Variants in ZFYVE26 observed in about 807,000 individuals in gnomAD.
The protein encoded by ZFYVE26 is zinc finger FYVE-type containing 26.
ZFYVE26 carries 181 observed loss-of-function variants against 276.5 expected under a neutral mutation model. That is an observed-to-expected ratio of 0.65 (90% CI 0.58 to 0.74). ZFYVE26 has a LOEUF of 0.74. ZFYVE26 is among the 30% of genes least tolerant of loss of function. The probability of loss-of-function intolerance (pLI) is 0.00; values close to 1 mark genes in which losing one functional copy is unlikely to be tolerated. For synonymous variants in ZFYVE26, 1,129 were observed against 1,203.1 expected (o/e 0.94, Z 1.27); for missense variants, 2,821 against 3,097.9 (o/e 0.91, Z 2.12).
chr14:67,757,680 TTC>T lies in ZFYVE26; in HGVS notation c.6589-1537_6589-1536del, dbSNP rs945543253. Among the ~76,000 whole-genome samples the T allele has an allele frequency of 4.1e-5, 6 of 144,884 alleles. No individual in the cohort carries two copies. In the South Asian group the frequency reaches 6.4e-4, roughly 15 times the overall value. ...TTTCTTTCTTTCTTTCTTTCTTTCT[TTC>T]TCTCTCTCTTTCCTTTCTTTCTCTC... On this transcript the variant is annotated intron_variant, in intron 35 of 41. Coordinates refer to ENST00000347230, the MANE Select transcript of ZFYVE26 (RefSeq NM_015346.4).
intron 29 of ZFYVE26, 94 bp from the exon 30 acceptor site, chr14:67,768,642 G>T: frequency 8.2e-7 from 1 of 1,221,142 alleles, no homozygotes; most frequent in Non-Finnish European, 1.2e-6. Flanking sequence ...GTGTCTCCCT[G>T]GTACAATGGA....
intron 3 of ZFYVE26, among the ~76,000 whole-genome samples, chr14:67,811,915 TATATGAAATATATATCAC>T (rs1184559816): frequency 6.8e-6 from 1 of 148,100 alleles, no homozygotes; most frequent in Non-Finnish European, 1.5e-5. Flanking sequence ...ACATGTATTA[TATATGAAATATATATCAC>T]ATATGAAATA....
intron 10 of ZFYVE26, 46 bp from the exon 11 acceptor site, chr14:67,798,668 G>A (rs750723782): frequency 2.5e-6 from 4 of 1,592,358 alleles, no homozygotes; most frequent in East Asian, 4.5e-5. Context: ...AGAGAAGACA[G>A]AGAATGCAAA....
chr14:67,791,329 T>C (rs928435170), intron 14 of ZFYVE26, among the ~76,000 whole-genome samples: 4 of 152,188 alleles, frequency 2.6e-5, no homozygotes, highest in African/African-American at 9.7e-5. Flanking sequence ...TTAAAAATAA[T>C]CTAAATCTTG....
intron 31 of ZFYVE26, among the ~76,000 whole-genome samples, chr14:67,766,860 C>T (rs571179046): frequency 4.2e-4 from 64 of 152,014 alleles, no homozygotes; most frequent in Non-Finnish European, 4.0e-4. Context: ...CCACCATGCC[C>T]GGCTAATTTT....
chr14:67,781,299 C>T (rs1275645976), intron 22 of ZFYVE26, 34 bp downstream of exon 22: 2 of 1,611,150 alleles, frequency 1.2e-6, no homozygotes, highest in Non-Finnish European at 1.7e-6. Context: ...GAGTGAGAAG[C>T]CCGTTCCCTT....
Position 67,756,096 on chromosome 14 carries a change from T to C in ZFYVE26, c.6638A>G (p.Lys2213Arg). 1.9e-6 allele frequency: 3 copies of C among 1,614,206 alleles called. No homozygotes were observed. The South Asian group carries it at 3.3e-5, about 18-fold the overall frequency. Residue 2213 changes from lysine to arginine, a missense_variant, in exon 36 of 42, where the codon AAA (lysine) becomes AGA (arginine). Coordinates refer to ENST00000347230, the MANE Select transcript of ZFYVE26 (RefSeq NM_015346.4). The part of the protein sequence containing the change: ...FIEGIFQPSY[K>R]SGKLHTLENL... ...CTCCAAAGTGTGTAGCTTCCCACTTTTATAGCTTGGTTGGAAAATGCCTTC... is the reference window on the plus strand; with the variant it reads ...CTCCAAAGTGTGTAGCTTCCCACTTCTATAGCTTGGTTGGAAAATGCCTTC...
At position 67,766,402 on chromosome 14, in the gene ZFYVE26, C is replaced by T. The variant is rs754473201; in HGVS notation, c.5836G>A (p.Asp1946Asn). 28 of 1,612,476 alleles carry T rather than the reference C, an allele frequency of 1.7e-5. No homozygotes were observed. The highest frequency in any genetic ancestry group is 2.3e-5 in the Non-Finnish European group (27 of 1,180,014). ...AGCTGGTGACCACAGGCAATGCTGT[C>T]CCGGTGCAGATTCAGGATGGCAATG... is the stretch of plus-strand genomic sequence containing the variant. The part of the protein sequence containing the change: ...LCIAILNLHR[D>N]SIACGHQLIE... Residue 1946 changes from aspartate to asparagine, a missense_variant, in exon 32 of 42, where the codon GAC (aspartate) becomes AAC (asparagine). Asp to Asn is a conservative substitution (Grantham distance 23). Transcript: ENST00000347230.
intron 20 of ZFYVE26, 81 bp from the exon 21 acceptor site, chr14:67,783,606 C>T: frequency 6.4e-7 from 1 of 1,559,870 alleles, no homozygotes; most frequent in East Asian, 2.3e-5. Flanking sequence ...TTTATGCTTA[C>T]ATGAGCAAAT....
At chr14:67,755,587 G>A (rs909249590) in intron 36 of ZFYVE26, among the ~76,000 whole-genome samples, 2 of 152,178 alleles carry the variant, frequency 1.3e-5, no homozygotes, top group Non-Finnish European at 2.9e-5. Flanking sequence ...TGGGAGGAAC[G>A]TGTTCCTTCT....
At chr14:67,752,020 A>T (rs1230155550) in intron 40 of ZFYVE26, among the ~76,000 whole-genome samples, 1 of 152,224 alleles carries the variant, frequency 6.6e-6, no homozygotes, top group Non-Finnish European at 1.5e-5. Context: ...TTCCGCAGAT[A>T]ACAGGCTTCA....
chr14:67,731,207 C>CTTTTTTTTT (rs71129853), intron 13 of ZFYVE26, among the ~76,000 whole-genome samples: 9 of 90,606 alleles, frequency 9.9e-5, no homozygotes, highest in African/African-American at 3.4e-4. Flanking sequence ...TTCTTTCTTT[C>CTTTTTTTTT]TTTTTTTTTT....
At chr14:67,763,988 G>T (rs903080906) in intron 32 of ZFYVE26, among the ~76,000 whole-genome samples, 1 of 152,150 alleles carries the variant, frequency 6.6e-6, no homozygotes, top group African/African-American at 2.4e-5. Flanking sequence ...GATGCTGCTG[G>T]GTGGAAGCAT....
intron 21 of ZFYVE26, among the ~76,000 whole-genome samples, chr14:67,781,759 A>C (rs1379591870): frequency 1.3e-5 from 2 of 152,182 alleles, no homozygotes; most frequent in Non-Finnish European, 2.9e-5. Flanking sequence ...GATAATAGCC[A>C]TGAGACTTTC....
chr14:67,802,303 G>A (rs933442173), intron 9 of ZFYVE26, 21 bp from the exon 10 acceptor site: 5 of 1,612,790 alleles, frequency 3.1e-6, no homozygotes, highest in Non-Finnish European at 4.2e-6. Context: ...AAGAGAAACA[G>A]GCTGAACTTG....
intron 13 of ZFYVE26, among the ~76,000 whole-genome samples, chr14:67,730,098 A>T (rs116009908): frequency 0.011 from 1,698 of 152,286 alleles, 40 homozygotes; most frequent in African/African-American, 0.039. Flanking sequence ...TGTGTTTGGT[A>T]CTCAGTTCTG....
chr14:67,767,143 A>G (rs919473545), intron 31 of ZFYVE26, among the ~76,000 whole-genome samples: 16 of 152,174 alleles, frequency 1.1e-4, no homozygotes, highest in African/African-American at 3.9e-4. Flanking sequence ...TAAGCCATGG[A>G]CACACTGCTG....
chr14:67,782,840 G>A lies in ZFYVE26; in HGVS notation c.4312C>T (p.Arg1438Ter), dbSNP rs118204049. ...ATGCTGCTCAAATCGTCCACATCTC[G>A]CCCGTACACTTCAGTGAGCTGAAGG... ...RALQLTEVYG[R>*]DVDDLSSIKD... The change falls in exon 21 of 42, where the codon CGA becomes TGA. Residue 1438 changes from arginine (R) to a stop codon, truncating the protein, a stop_gained. Transcript: ENST00000347230. LOFTEE classifies it high-confidence loss of function. 5.1e-5 allele frequency: 83 copies of A among 1,614,014 alleles called. No homozygotes were observed. Among genetic ancestry groups the A allele is most frequent in the Non-Finnish European group, 6.5e-5 (77 of 1,180,036 alleles).
At chr14:67,767,942 A>C (rs1198646370) in intron 30 of ZFYVE26, 102 bp from the exon 31 acceptor site, 2 of 1,512,968 alleles carry the variant, frequency 1.3e-6, no homozygotes, top group East Asian at 2.3e-5. Flanking sequence ...CTTGCCTGCT[A>C]TCTCAGGGCC....
Sources: allele counts gnomAD v4.1 joint callset (sites outside exome capture counted in the v4.1 genomes callset), GRCh38; gene constraint gnomAD v4.1.1; transcripts MANE v1.5; gene names NCBI Gene and HGNC (gene_info 2026-07-23, HGNC 2026-07-21).